LRP6: variants seen among roughly 807,000 people sequenced by gnomAD.
The protein encoded by LRP6 is LDL receptor related protein 6, also known as low-density lipoprotein receptor-related protein 6.
Under a neutral mutation model 184.1 loss-of-function variants are expected in LRP6, and 43 were observed. The ratio of observed to expected loss-of-function variants is 0.23; its 90% CI spans 0.18 to 0.30. LRP6 has a LOEUF of 0.30. LRP6 is among the 10% of genes least tolerant of loss of function. LRP6 has a pLI of 1.00. For synonymous variants in LRP6, 719 were observed against 684.9 expected (o/e 1.05, Z -0.78); for missense variants, 1,571 against 2,005.3 (o/e 0.78, Z 4.14).
chr12:12,120,403 C>T lies in LRP6; in HGVS notation c.*723G>A, dbSNP rs1313627229. Reference sequence around the variant, plus strand: ...TGGAGGAGGCAGCAAGGTAAACATACCTAGAGAAAAAAATTCATTTTGACA... The same window carrying T: ...TGGAGGAGGCAGCAAGGTAAACATATCTAGAGAAAAAAATTCATTTTGACA... On this transcript the variant is annotated 3_prime_UTR_variant, in exon 23 of 23. Transcript: ENST00000261349. 2 of 151,876 alleles carry T rather than the reference C, an allele frequency of 1.3e-5. No homozygotes were observed. The highest frequency in any genetic ancestry group is 2.9e-5 in the Non-Finnish European group (2 of 67,988). The allele number at this position is 151,876 out of a possible 1,614,324, so 9.4% of individuals were successfully genotyped here.
chr12:12,162,413 T>C lies in LRP6; in HGVS notation c.2059A>G (p.Ser687Gly). ...GCACTGCCATTCATAAAGGCTCTGCTGATGGTCTGCAAAAGAACATTAACA... is the reference window on the plus strand; with the variant it reads ...GCACTGCCATTCATAAAGGCTCTGCCGATGGTCTGCAAAAGAACATTAACA... ...YWTDISLKTI[S>G]RAFMNGSALE... is the part of the protein sequence containing the mutation. Residue 687 changes from serine to glycine, a missense_variant, in exon 10 of 23, where the codon AGC becomes GGC. Ser to Gly is a moderately conservative substitution (Grantham distance 56, BLOSUM62 0). Transcript: ENST00000261349. 1 of 1,612,694 alleles carries C rather than the reference T, an allele frequency of 6.2e-7. No individual in the cohort carries two copies. Among genetic ancestry groups the C allele is most frequent in the Non-Finnish European group, 8.5e-7 (1 of 1,178,628 alleles).
intron 7 of LRP6, among the ~76,000 whole-genome samples, chr12:12,176,711 G>C (rs944996869): frequency 6.6e-6 from 1 of 152,106 alleles, no homozygotes; most frequent in Non-Finnish European, 1.5e-5. Flanking sequence ...AACACAGTGA[G>C]ACTTTCCCAT....
At chr12:12,255,393 T>C (rs1307225797) in intron 1 of LRP6, among the ~76,000 whole-genome samples, 1 of 150,780 alleles carries the variant, frequency 6.6e-6, no homozygotes, top group Non-Finnish European at 1.5e-5. Flanking sequence ...ACAAAGTTCC[T>C]GATAGCCCTG....
At chr12:12,175,624 T>C (rs1863158028) in intron 7 of LRP6, among the ~76,000 whole-genome samples, 1 of 135,410 alleles carries the variant, frequency 7.4e-6, no homozygotes, top group Non-Finnish European at 1.6e-5. Flanking sequence ...GAGGTGGAGC[T>C]TGCATGCAGT....
rs998609889 is a variant in LRP6 at position 12,266,285 on chromosome 12, G to A, written c.55+396C>T. 3.9e-5 allele frequency among the ~76,000 whole-genome samples: 6 copies of A among 152,170 alleles called. No individual in the cohort carries two copies. In the South Asian group the frequency reaches 1.2e-3, roughly 32 times the overall value. ...TGGGTGGCGGGGCTTCGATGGATAAGGCCAACCTTAAAGCATCTCGGACTC... is the reference window on the plus strand; with the variant it reads ...TGGGTGGCGGGGCTTCGATGGATAAAGCCAACCTTAAAGCATCTCGGACTC... On this transcript the variant is annotated intron_variant, in intron 1 of 22. Coordinates refer to ENST00000261349, the MANE Select transcript of LRP6 (RefSeq NM_002336.3).
intron 2 of LRP6, among the ~76,000 whole-genome samples, chr12:12,235,098 A>G (rs1864899435): frequency 6.6e-6 from 1 of 152,196 alleles, no homozygotes; most frequent in Non-Finnish European, 1.5e-5. Context: ...GAACATGTCA[A>G]TTGTTTCACA....
Position 12,120,390 on chromosome 12 carries a change from C to G in LRP6, c.*736G>C, listed in dbSNP as rs1375057483. On this transcript the variant is annotated 3_prime_UTR_variant, in exon 23 of 23. Transcript: ENST00000261349. The stretch of plus-strand genomic sequence containing the variant: ...CTTACCAAGTTGCTGGAGGAGGCAG[C>G]AAGGTAAACATACCTAGAGAAAAAA... The G allele has an allele frequency of 6.6e-6, 1 of 151,894 alleles. No homozygotes were observed. Among genetic ancestry groups the G allele is most frequent in the Admixed American group, 6.6e-5 (1 of 15,236 alleles). The allele number at this position is 151,894 out of a possible 1,614,324, so 9.4% of individuals were successfully genotyped here.
chr12:12,129,828 G>A (rs939264522), intron 19 of LRP6, among the ~76,000 whole-genome samples: 4 of 152,214 alleles, frequency 2.6e-5, no homozygotes, highest in Admixed American at 1.3e-4. Context: ...GGGATTACAG[G>A]TGTGAGCCAG....
rs925040458 is a variant in LRP6, at chr12:12,149,102, G to A, written c.3046C>T (p.Pro1016Ser). 1.9e-6 allele frequency: 3 copies of A among 1,613,874 alleles called. No individual in the cohort carries two copies. In the African/African-American group the frequency reaches 4.0e-5, roughly 22 times the overall value. Residue 1016 changes from proline to serine, a missense_variant, in exon 14 of 23, where the codon CCC becomes TCC. Around this residue, in one of 4 missense-constraint regions of LRP6, gnomAD observed 763 missense variants for 859.5 expected, o/e 0.89. Transcript: ENST00000261349. ...SVPSQNLEIQ[P>S]YDLSIDIYSR... ...TAAATATCAATGCTGAGGTCATAGG[G>A]TTGTATTTCCAGGTTCTGACTCGGA...
chr12:12,144,902 G>A (rs112254971), intron 15 of LRP6, among the ~76,000 whole-genome samples: 2 of 149,338 alleles, frequency 1.3e-5, no homozygotes, highest in Non-Finnish European at 1.5e-5. Flanking sequence ...ATCACACACT[G>A]GGGCCTGTCG....
At chr12:12,231,026 C>A (rs1208992932) in intron 2 of LRP6, among the ~76,000 whole-genome samples, 1 of 151,420 alleles carries the variant, frequency 6.6e-6, no homozygotes, top group African/African-American at 2.4e-5. Context: ...ACTAAAAATA[C>A]AAAAATTAGC....
At chr12:12,161,518 C>T (rs1038065719) in intron 10 of LRP6, among the ~76,000 whole-genome samples, 3 of 152,182 alleles carry the variant, frequency 2.0e-5, no homozygotes, top group Admixed American at 1.3e-4. Flanking sequence ...TCTGCCCACG[C>T]CTCGGCCTCC....
chr12:12,221,008 C>A (rs1429898477), intron 2 of LRP6, among the ~76,000 whole-genome samples: 4 of 152,204 alleles, frequency 2.6e-5, no homozygotes, highest in Admixed American at 2.6e-4. Context: ...CAACTCCCTA[C>A]CTTCTACAAG....
At position 12,244,633 on chromosome 12, in the gene LRP6, T is replaced by C. The variant is rs1565705890; in HGVS notation, c.78A>G (p.Ala26=). 6.2e-7 allele frequency: 1 copy of C among 1,614,088 alleles called. No homozygotes were observed. Among genetic ancestry groups the C allele is most frequent in the African/African-American group, 1.3e-5 (1 of 75,026 alleles). Residue 26 remains alanine, a synonymous_variant, in exon 2 of 23, where the codon GCA becomes GCG. Transcript: ENST00000261349. ...LLRAAPLLLY[A]NRRDLRLVDA... is the part of the protein sequence containing the mutation. ...CAACCAATCGCAAGTCCCGTCTGTTTGCATAAAGCAACAAAGGGGCCGCTA... is the reference window on the plus strand; with the variant it reads ...CAACCAATCGCAAGTCCCGTCTGTTCGCATAAAGCAACAAAGGGGCCGCTA...
At chr12:12,217,115 C>T (rs143039189) in intron 2 of LRP6, among the ~76,000 whole-genome samples, 1 of 152,312 alleles carries the variant, frequency 6.6e-6, no homozygotes, top group Non-Finnish European at 1.5e-5. Context: ...CCAGGTCACA[C>T]AGCAGGAGGT....
At position 12,194,216 on chromosome 12, in the gene LRP6, A is replaced by T. The variant is rs373139068; in HGVS notation, c.648-7097T>A. 2.6e-5 allele frequency among the ~76,000 whole-genome samples: 4 copies of T among 152,208 alleles called. No individual in the cohort carries two copies. In the East Asian group the frequency reaches 5.8e-4, roughly 22 times the overall value. ...TCAACCTGATAAAATCCCTTTATTA[A>T]AAAAACCTACAGGTAATATCATGCT... On this transcript the variant is annotated intron_variant, in intron 3 of 22. Transcript: ENST00000261349.
chr12:12,195,724 T>C (rs1281590924), intron 3 of LRP6, among the ~76,000 whole-genome samples: 2 of 152,158 alleles, frequency 1.3e-5, no homozygotes, highest in Non-Finnish European at 2.9e-5. Context: ...TTTGCTTTTG[T>C]TGCCTGCATT....
At chr12:12,145,913 T>G (rs1182973854) in intron 15 of LRP6, among the ~76,000 whole-genome samples, 1 of 152,108 alleles carries the variant, frequency 6.6e-6, no homozygotes, top group Non-Finnish European at 1.5e-5. Flanking sequence ...ATTACAAGCA[T>G]GAGCCACCAC....
At chr12:12,143,713 C>T (rs1382691196) in intron 15 of LRP6, among the ~76,000 whole-genome samples, 1 of 152,156 alleles carries the variant, frequency 6.6e-6, no homozygotes, top group African/African-American at 2.4e-5. Context: ...TCACACTACA[C>T]ACCAAAATCA....
Sources: allele counts gnomAD v4.1 joint callset (sites outside exome capture counted in the v4.1 genomes callset), GRCh38; gene constraint gnomAD v4.1.1; regional missense constraint gnomAD v4.1.1; transcripts MANE v1.5; gene names NCBI Gene and HGNC (gene_info 2026-07-23, HGNC 2026-07-21).